Variants in NRP1 observed in about 807,000 individuals in gnomAD.
NRP1 encodes the protein neuropilin-1.
Under a neutral mutation model 106.7 loss-of-function variants are expected in NRP1, and 35 were observed. The observed-to-expected ratio is 0.33, with a 90% CI of 0.25 to 0.43. The LOEUF is 0.43. Among genes scored for constraint, NRP1 ranks in the 20% least tolerant of loss-of-function variants. The pLI, the probability that NRP1 is intolerant of heterozygous loss-of-function variation, is 1.00. For synonymous variants in NRP1, 437 were observed against 417.9 expected, an observed-to-expected ratio of 1.05 and a Z score of -0.56; for missense variants, 1,024 against 1,170.4, an observed-to-expected ratio of 0.87 and a Z score of 1.83.
intron 3 of NRP1, among the ~76,000 whole-genome samples, chr10:33,266,859 CG>C (rs1842955629): frequency 6.6e-6 from 1 of 152,034 alleles, no homozygotes; most frequent in South Asian, 2.1e-4. Flanking sequence ...GGTGAAACCC[CG>C]TCTCTACTAA....
At chr10:33,265,288 AT>A (rs1189896592) in intron 3 of NRP1, among the ~76,000 whole-genome samples, 1 of 152,158 alleles carries the variant, frequency 6.6e-6, no homozygotes, top group Admixed American at 6.5e-5. Flanking sequence ...GAATTTCAGG[AT>A]CAAATCTGGG....
At chr10:33,270,396 G>A (rs61758246) in intron 3 of NRP1, among the ~76,000 whole-genome samples, 4,360 of 149,458 alleles carry the variant, frequency 0.029, 98 homozygotes, top group Non-Finnish European at 0.049. Flanking sequence ...GCCTGTGCTC[G>A]GCTCACTGCA....
intron 2 of NRP1, among the ~76,000 whole-genome samples, chr10:33,303,684 T>C (rs1332082016): frequency 6.6e-6 from 1 of 152,250 alleles, no homozygotes; most frequent in Non-Finnish European, 1.5e-5. Context: ...AAAGTAAATG[T>C]TAAATGTGCT....
chr10:33,297,783 C>T (rs894394034), intron 2 of NRP1, among the ~76,000 whole-genome samples: 1 of 151,814 alleles, frequency 6.6e-6, no homozygotes, highest in Non-Finnish European at 1.5e-5. Context: ...TACCCTCTGT[C>T]CTGACGGCAG....
intron 6 of NRP1, among the ~76,000 whole-genome samples, chr10:33,228,307 C>A (rs999564179): frequency 6.6e-6 from 1 of 152,020 alleles, no homozygotes; most frequent in African/African-American, 2.4e-5. Flanking sequence ...TGGAGGCAGA[C>A]GCCGCAGTGA....
At chr10:33,257,445 T>C (rs1249845696) in intron 4 of NRP1, among the ~76,000 whole-genome samples, 1 of 152,188 alleles carries the variant, frequency 6.6e-6, no homozygotes, top group Non-Finnish European at 1.5e-5. Flanking sequence ...GAGACCAGCC[T>C]GGCCAACATG....
At chr10:33,246,583 AACACACACACACAC>A (rs59215824) in intron 6 of NRP1, among the ~76,000 whole-genome samples, 2 of 137,646 alleles carry the variant, frequency 1.5e-5, no homozygotes, top group Admixed American at 7.1e-5. Flanking sequence ...AGTTGCAATA[AACACACACACACAC>A]ACACACACAC....
At chr10:33,313,722 A>C (rs1410572624) in intron 2 of NRP1, among the ~76,000 whole-genome samples, 1 of 152,122 alleles carries the variant, frequency 6.6e-6, no homozygotes, top group Non-Finnish European at 1.5e-5. Flanking sequence ...TCAGGATCAC[A>C]ATGAGTACCT....
chr10:33,265,795 C>T (rs975305096), intron 3 of NRP1, among the ~76,000 whole-genome samples: 18 of 152,150 alleles, frequency 1.2e-4, no homozygotes, highest in African/African-American at 3.6e-4. Context: ...AAGTTGGTAA[C>T]GTGGCAATTC....
In NRP1 at chr10:33,226,263, G is replaced by A; in HGVS notation, c.1008C>T (p.Val336=). Residue 336 remains valine, a synonymous_variant, in exon 7 of 17, where the codon GTC becomes GTT. Coordinates refer to ENST00000374867, the MANE Select transcript of NRP1 (RefSeq NM_003873.7). ...TGGCGCCCTGTGTCCCGACAGCCGT[G>A]ACAAAGCGCAGAAGGCCCAAGTCTA... ...IQVDLGLLRF[V]TAVGTQGAIS... is the part of the protein sequence containing the mutation. 1 of 1,614,118 alleles carries A rather than the reference G, an allele frequency of 6.2e-7. No individual in the cohort carries two copies.
At position 33,186,307 on chromosome 10, in the gene NRP1, G is replaced by A. The variant is rs770032075; in HGVS notation, c.2244C>T (p.Tyr748=). 32 of 1,613,988 alleles carry A rather than the reference G, an allele frequency of 2.0e-5. No homozygotes were observed. The highest frequency in any genetic ancestry group is 2.3e-5 in the Non-Finnish European group (27 of 1,180,042). ...CAATGGCCATCCAGACCAGCTGATC[G>A]TACTCCTCTGGCTTCTGGTAGCGCA... ...VKLRYQKPEE[Y]DQLVWMAIGH... The change falls in exon 14 of 17, where the codon TAC becomes TAT. Residue 748 remains tyrosine (Y), a synonymous_variant. Coordinates refer to ENST00000374867, the MANE Select transcript of NRP1 (RefSeq NM_003873.7).
At chr10:33,322,688 C>T (rs896303141) in intron 2 of NRP1, among the ~76,000 whole-genome samples, 3 of 152,182 alleles carry the variant, frequency 2.0e-5, no homozygotes, top group Admixed American at 6.5e-5. Flanking sequence ...GGCCAAGTTT[C>T]AATTGAGTGG....
At chr10:33,292,661 G>T (rs1845083833) in intron 2 of NRP1, among the ~76,000 whole-genome samples, 2 of 152,150 alleles carry the variant, frequency 1.3e-5, no homozygotes, top group African/African-American at 2.4e-5. Context: ...ACCTAATCCA[G>T]TTCCAGCAGA....
chr10:33,258,007 C>T (rs1028021849), intron 4 of NRP1, among the ~76,000 whole-genome samples: 2 of 152,188 alleles, frequency 1.3e-5, no homozygotes, highest in African/African-American at 4.8e-5. Flanking sequence ...AGGGAGGGGC[C>T]TTTAACAGGG....
At chr10:33,266,345 A>C (rs1274359369) in intron 3 of NRP1, among the ~76,000 whole-genome samples, 1 of 152,202 alleles carries the variant, frequency 6.6e-6, no homozygotes, top group African/African-American at 2.4e-5. Context: ...AGGAGACCTG[A>C]ATCCCAGTCC....
At chr10:33,214,609 A>C (rs72788196) in intron 8 of NRP1, among the ~76,000 whole-genome samples, 1 of 152,104 alleles carries the variant, frequency 6.6e-6, no homozygotes, top group African/African-American at 2.4e-5. Flanking sequence ...AATCTCCACT[A>C]CACCAACTGC....
chr10:33,271,624 A>G (rs4934584), intron 2 of NRP1, among the ~76,000 whole-genome samples: 23,557 of 152,252 alleles, frequency 0.15, 1,821 homozygotes, highest in Non-Finnish European at 0.17. Flanking sequence ...CACAAAAGTG[A>G]TGAGATTTAA....
At chr10:33,332,024 G>A (rs891766590) in intron 1 of NRP1, among the ~76,000 whole-genome samples, 9 of 152,038 alleles carry the variant, frequency 5.9e-5, no homozygotes, top group Non-Finnish European at 1.3e-4. Context: ...CTCTCAGCAT[G>A]AATTTATAAA....
At chr10:33,332,627 C>G (rs1280832795) in intron 1 of NRP1, among the ~76,000 whole-genome samples, 7 of 152,226 alleles carry the variant, frequency 4.6e-5, no homozygotes, top group Non-Finnish European at 1.5e-5. Context: ...TTCAATCTCT[C>G]TAGCAGTTGA....
Sources: allele counts gnomAD v4.1 joint callset (sites outside exome capture counted in the v4.1 genomes callset), GRCh38; gene constraint gnomAD v4.1.1; transcripts MANE v1.5; gene names NCBI Gene and HGNC (gene_info 2026-07-23, HGNC 2026-07-21).